Variants in CNTNAP5 observed in about 807,000 individuals in gnomAD.
CNTNAP5 encodes contactin associated protein family member 5.
A neutral mutation model predicts 150.2 loss-of-function variants in CNTNAP5; 72 were observed. That is an observed-to-expected ratio of 0.48 (90% CI 0.40 to 0.58). The LOEUF (loss-of-function observed/expected upper bound fraction) is 0.58. CNTNAP5 is among the 20% of genes least tolerant of loss of function. The pLI is 0.00. For missense variants in CNTNAP5, 1,636 were observed against 1,626.2 expected (o/e 1.01, Z -0.10); for synonymous variants, 672 against 619.8 (o/e 1.08, Z -1.25).
intron 3 of CNTNAP5, among the ~76,000 whole-genome samples, chr2:124,348,139 G>A (rs1689788104): frequency 6.6e-6 from 1 of 151,972 alleles, no homozygotes; most frequent in Non-Finnish European, 1.5e-5. Flanking sequence ...CAATTTTTCA[G>A]TGTACAAGTC....
chr2:124,259,085 C>A (rs1032147273), intron 3 of CNTNAP5, among the ~76,000 whole-genome samples: 2 of 148,222 alleles, frequency 1.3e-5, no homozygotes, highest in African/African-American at 5.0e-5. Flanking sequence ...TGAATTCCCA[C>A]CTATGAGTGA....
intron 13 of CNTNAP5, among the ~76,000 whole-genome samples, chr2:124,667,276 T>C (rs1678720161): frequency 6.6e-6 from 1 of 152,244 alleles, no homozygotes; most frequent in South Asian, 2.1e-4. Flanking sequence ...GGATGGCTGC[T>C]CTGTGCAATC....
intron 14 of CNTNAP5, among the ~76,000 whole-genome samples, chr2:124,752,627 G>C (rs924121120): frequency 6.6e-6 from 1 of 152,098 alleles, no homozygotes; most frequent in Admixed American, 6.5e-5. Flanking sequence ...TAATGAAAAA[G>C]GAATAAATGA....
intron 10 of CNTNAP5, among the ~76,000 whole-genome samples, chr2:124,538,107 G>T (rs574615967): frequency 1.3e-5 from 2 of 152,326 alleles, no homozygotes; most frequent in East Asian, 3.9e-4. Flanking sequence ...GGTACGACAT[G>T]CATGTCAACG....
At chr2:124,180,990 C>G (rs1467809694) in intron 1 of CNTNAP5, among the ~76,000 whole-genome samples, 1 of 151,762 alleles carries the variant, frequency 6.6e-6, no homozygotes, top group African/African-American at 2.4e-5. Flanking sequence ...CCATGAAGTC[C>G]CCTTCTGTAA....
intron 17 of CNTNAP5, among the ~76,000 whole-genome samples, chr2:124,779,824 C>CAGGGAG (rs1558772361): frequency 2.6e-5 from 4 of 152,102 alleles, no homozygotes; most frequent in Non-Finnish European, 5.9e-5. Flanking sequence ...ACTATCTCCT[C>CAGGGAG]TCAAGGGAGT....
intron 2 of CNTNAP5, among the ~76,000 whole-genome samples, chr2:124,238,101 G>A (rs1310575248): frequency 6.6e-6 from 1 of 152,072 alleles, no homozygotes; most frequent in East Asian, 1.9e-4. Flanking sequence ...CAATGTCAAG[G>A]TGAATTATGT....
chr2:124,798,858 T>C (rs2104643028), intron 19 of CNTNAP5, among the ~76,000 whole-genome samples: 1 of 152,216 alleles, frequency 6.6e-6, no homozygotes, highest in Non-Finnish European at 1.5e-5. Flanking sequence ...TTAAAGATAA[T>C]GACAAATTGT....
At chr2:124,117,366 T>C (rs1269060829) in intron 1 of CNTNAP5, among the ~76,000 whole-genome samples, 1 of 152,194 alleles carries the variant, frequency 6.6e-6, no homozygotes, top group Non-Finnish European at 1.5e-5. Flanking sequence ...ATACAAACTC[T>C]GTGGAGGCAG....
Position 124,365,359 on chromosome 2 carries a change from A to G in CNTNAP5, c.382-52084A>G, listed in dbSNP as rs147631842. ...AAAAAAGGATGGATGTCAATGGGGA[A>G]GAATACTTGCGGGAATCTTTGCATA... On this transcript the variant is annotated intron_variant, in intron 3 of 23. Transcript: ENST00000682447. Among the ~76,000 whole-genome samples, 5 of 152,122 alleles carry G rather than the reference A, an allele frequency of 3.3e-5. No individual in the cohort carries two copies. In the East Asian group the frequency reaches 7.7e-4, roughly 24 times the overall value.
intron 19 of CNTNAP5, among the ~76,000 whole-genome samples, chr2:124,830,226 C>T (rs1429157084): frequency 6.6e-6 from 1 of 151,828 alleles, no homozygotes; most frequent in African/African-American, 2.4e-5. Flanking sequence ...GTTTAAAATA[C>T]TTGATCAAAA....
intron 1 of CNTNAP5, among the ~76,000 whole-genome samples, chr2:124,146,137 G>A (rs903809144): frequency 1.6e-4 from 24 of 152,166 alleles, no homozygotes; most frequent in South Asian, 2.1e-4. Flanking sequence ...GCAGGCAGGT[G>A]TTTGAGGCCA....
intron 1 of CNTNAP5, among the ~76,000 whole-genome samples, chr2:124,157,215 G>A (rs192122201): frequency 2.4e-3 from 365 of 152,286 alleles, no homozygotes; most frequent in African/African-American, 8.2e-3. Flanking sequence ...CTCCCTCACA[G>A]CCACCCTCTT....
intron 19 of CNTNAP5, among the ~76,000 whole-genome samples, chr2:124,837,279 A>G (rs1288947779): frequency 6.6e-6 from 1 of 152,114 alleles, no homozygotes; most frequent in Non-Finnish European, 1.5e-5. Flanking sequence ...TAGGTGGGGC[A>G]TGTGACACTA....
At position 124,231,396 on chromosome 2, in the gene CNTNAP5, G is replaced by A. The variant is rs188591615; in HGVS notation, c.187+9587G>A. The stretch of plus-strand genomic sequence containing the variant: ...CAGAGTCAGAGAGGTTAAGTCAGTG[G>A]CCCAAAACTACACAGCTAATTTTGG... On this transcript the variant is annotated intron_variant, in intron 2 of 23. Coordinates refer to ENST00000682447, the MANE Select transcript of CNTNAP5 (RefSeq NM_001367498.1). Among the ~76,000 whole-genome samples, 52 of 152,178 alleles carry A rather than the reference G, an allele frequency of 3.4e-4. No individual in the cohort carries two copies. In the East Asian group the frequency reaches 8.3e-3, roughly 24 times the overall value.
chr2:124,490,337 GA>G (rs543971076), intron 7 of CNTNAP5, among the ~76,000 whole-genome samples: 5,561 of 76,332 alleles, frequency 0.073, 130 homozygotes, highest in Middle Eastern at 0.13. Flanking sequence ...GTCCATTTCA[GA>G]AAAAAAAAAG....
chr2:124,398,722 C>T (rs552089421), intron 3 of CNTNAP5, among the ~76,000 whole-genome samples: 1 of 152,218 alleles, frequency 6.6e-6, no homozygotes, highest in South Asian at 2.1e-4. Context: ...CTCGGGTGAT[C>T]CATCTGCCTT....
At position 124,419,970 on chromosome 2, in the gene CNTNAP5, C is replaced by CTCTCTT. The variant is rs139642632; in HGVS notation, c.529+2383_529+2384insCTTTCT. ...TTTCTTTCTTTCCTTTTCTCTCTCT[C>CTCTCTT]TCTTTCTTTCTTTCTTTCTTTTTTT... is the stretch of plus-strand genomic sequence containing the variant. On this transcript the variant is annotated intron_variant, in intron 4 of 23. Coordinates refer to ENST00000682447, the MANE Select transcript of CNTNAP5 (RefSeq NM_001367498.1). Among the ~76,000 whole-genome samples, 124 of 62,534 alleles carry CTCTCTT rather than the reference C, an allele frequency of 2.0e-3. 12 individuals are homozygous for CTCTCTT. The highest frequency in any genetic ancestry group is 5.4e-3 in the South Asian group (7 of 1,308). 41.0% of individuals were successfully genotyped at this position (62,534 alleles called of 152,430 possible). A position where few individuals can be genotyped will look rare whatever the true frequency, so the allele number is the denominator to read the frequency against.
chr2:124,153,972 G>A (rs115647252), intron 1 of CNTNAP5, among the ~76,000 whole-genome samples: 218 of 151,746 alleles, frequency 1.4e-3, no homozygotes, highest in Non-Finnish European at 1.4e-3. Context: ...AAATCTGCCC[G>A]CATGACCTAA....
Sources: allele counts gnomAD v4.1 joint callset (sites outside exome capture counted in the v4.1 genomes callset), GRCh38; gene constraint gnomAD v4.1.1; transcripts MANE v1.5; gene names NCBI Gene and HGNC (gene_info 2026-07-23, HGNC 2026-07-21).